IQSEC3: variants seen among roughly 807,000 people sequenced by gnomAD.
The protein encoded by IQSEC3 is IQ motif and SEC7 domain-containing protein 3.
IQSEC3 carries 50 observed loss-of-function variants against 105.4 expected under a neutral mutation model. The observed-to-expected ratio is 0.47, with a 90% CI of 0.38 to 0.60. The LOEUF is 0.60. Ranked by LOEUF, IQSEC3 falls within the 20% of genes least tolerant of loss-of-function variation. The pLI is 0.00. For synonymous variants in IQSEC3, 708 were observed against 746.0 expected, an observed-to-expected ratio of 0.95 and a Z score of 0.83; for missense variants, 1,415 against 1,630.0, an observed-to-expected ratio of 0.87 and a Z score of 2.27.
At chr12:68,790 T>C (rs199674757) in intron 1 of IQSEC3, among the ~76,000 whole-genome samples, 3 of 152,300 alleles carry the variant, frequency 2.0e-5, no homozygotes, top group Non-Finnish European at 2.9e-5. Context: ...TGTGGTAGAG[T>C]TAGAGAAGTT....
chr12:95,434 G>A (rs1182387968), intron 1 of IQSEC3, among the ~76,000 whole-genome samples: 1 of 152,100 alleles, frequency 6.6e-6, no homozygotes, highest in African/African-American at 2.4e-5. Context: ...ATTTGTGTTG[G>A]TTTCTGACAT....
intron 1 of IQSEC3, among the ~76,000 whole-genome samples, chr12:91,605 T>C (rs1864088282): frequency 6.6e-6 from 1 of 152,070 alleles, no homozygotes; most frequent in Admixed American, 6.5e-5. Context: ...TGAAACTCTG[T>C]CTCTACAAAA....
intron 3 of IQSEC3, among the ~76,000 whole-genome samples, chr12:130,643 C>T (rs1409147882): frequency 6.6e-6 from 1 of 152,220 alleles, no homozygotes; most frequent in Non-Finnish European, 1.5e-5. Flanking sequence ...TAGCGTGTCC[C>T]CCATGCCTAC....
intron 3 of IQSEC3, among the ~76,000 whole-genome samples, chr12:129,152 C>T (rs1056320252): frequency 6.6e-5 from 10 of 152,236 alleles, no homozygotes; most frequent in African/African-American, 1.9e-4. Flanking sequence ...GGAGTGGGAG[C>T]TGTTCCGCTC....
intron 1 of IQSEC3, among the ~76,000 whole-genome samples, chr12:72,744 CAAAA>C: frequency 9.8e-6 from 1 of 102,358 alleles, no homozygotes; most frequent in Non-Finnish European, 2.2e-5. Flanking sequence ...AGGGCATTAA[CAAAA>C]AGAAAGGGAA....
At chr12:98,185 C>G (rs562589673) in intron 1 of IQSEC3, among the ~76,000 whole-genome samples, 1 of 152,302 alleles carries the variant, frequency 6.6e-6, no homozygotes, top group African/African-American at 2.4e-5. Flanking sequence ...GTCGGTGTAT[C>G]TTTATCCAAA....
At chr12:78,550 T>A (rs1863638501) in intron 1 of IQSEC3, among the ~76,000 whole-genome samples, 1 of 151,930 alleles carries the variant, frequency 6.6e-6, no homozygotes, top group Non-Finnish European at 1.5e-5. Flanking sequence ...ATCTTGGCCT[T>A]CTCATGTTTA....
At chr12:96,786 C>T (rs1864253700) in intron 1 of IQSEC3, among the ~76,000 whole-genome samples, 1 of 152,206 alleles carries the variant, frequency 6.6e-6, no homozygotes, top group East Asian at 1.9e-4. Context: ...ACCCCTACTT[C>T]CCATCATGGC....
chr12:96,231 G>A (rs1864239871), intron 1 of IQSEC3, among the ~76,000 whole-genome samples: 1 of 152,204 alleles, frequency 6.6e-6, no homozygotes, highest in South Asian at 2.1e-4. Flanking sequence ...TTGACAATTG[G>A]TTGAAGAGTC....
intron 1 of IQSEC3, among the ~76,000 whole-genome samples, chr12:93,910 CA>C (rs1363196790): frequency 1.3e-5 from 2 of 152,210 alleles, no homozygotes; most frequent in African/African-American, 4.8e-5. Flanking sequence ...CATCTCTGCA[CA>C]CACTGGCTGC....
chr12:71,042 A>T (rs1309089183), intron 1 of IQSEC3, among the ~76,000 whole-genome samples: 1 of 152,280 alleles, frequency 6.6e-6, no homozygotes, highest in African/African-American at 2.4e-5. Flanking sequence ...CTACACAGGG[A>T]AATCTCTTTC....
At chr12:163,064 C>T (rs561413452) in intron 8 of IQSEC3, among the ~76,000 whole-genome samples, 3 of 152,088 alleles carry the variant, frequency 2.0e-5, no homozygotes, top group Non-Finnish European at 4.4e-5. Flanking sequence ...AGGGGGTGAA[C>T]GTGCGAGGGA....
intron 1 of IQSEC3, among the ~76,000 whole-genome samples, chr12:80,003 C>T (rs139184802): frequency 0.011 from 1,748 of 152,224 alleles, 39 homozygotes; most frequent in African/African-American, 0.038. Flanking sequence ...AGAGCTGCCG[C>T]GTTCTTTTTT....
At chr12:92,066 A>T (rs1285626883) in intron 1 of IQSEC3, among the ~76,000 whole-genome samples, 1 of 152,128 alleles carries the variant, frequency 6.6e-6, no homozygotes, top group African/African-American at 2.4e-5. Context: ...GGGCCCACAG[A>T]CTACCTCATG....
chr12:88,336 T>G (rs1863981467), intron 1 of IQSEC3, among the ~76,000 whole-genome samples: 1 of 152,178 alleles, frequency 6.6e-6, no homozygotes, highest in African/African-American at 2.4e-5. Context: ...AAGACCAAAC[T>G]CATACTCTTT....
chr12:101,388 T>C (rs1185618173), intron 2 of IQSEC3, among the ~76,000 whole-genome samples: 1 of 152,184 alleles, frequency 6.6e-6, no homozygotes, highest in East Asian at 1.9e-4. Context: ...AGGTGGATGA[T>C]AGGAAACCCA....
chr12:92,561 C>T (rs567356950), intron 1 of IQSEC3, among the ~76,000 whole-genome samples: 9 of 152,198 alleles, frequency 5.9e-5, no homozygotes, highest in African/African-American at 1.9e-4. Context: ...TGATTGCACT[C>T]GGGCCTACGG....
At chr12:120,859 G>C (rs1555081760) in intron 2 of IQSEC3, among the ~76,000 whole-genome samples, 2 of 152,162 alleles carry the variant, frequency 1.3e-5, no homozygotes, top group African/African-American at 4.8e-5. Flanking sequence ...GCTTTCTGAA[G>C]GACCCCTTCA....
intron 1 of IQSEC3, among the ~76,000 whole-genome samples, chr12:69,812 C>T (rs1445592022): frequency 6.6e-6 from 1 of 152,264 alleles, no homozygotes; most frequent in Non-Finnish European, 1.5e-5. Flanking sequence ...TGACATGTTT[C>T]GTCCTACCCT....
Sources: gnomAD v4.1 joint callset for allele counts (sites outside exome capture counted in the v4.1 genomes callset) on GRCh38, gnomAD v4.1.1 for gene constraint, MANE v1.5 for transcripts, NCBI Gene and HGNC (gene_info 2026-07-23, HGNC 2026-07-21) for gene names.